The following EVC variants were observed in gnomAD, a reference collection of about 807,000 sequenced individuals.
EVC encodes the protein evC complex member EVC.
Under a neutral mutation model 118.9 loss-of-function variants are expected in EVC, and 116 were observed. That is an observed-to-expected ratio of 0.98 (90% confidence interval 0.84 to 1.14). The LOEUF is 1.14. Ranked by LOEUF, EVC falls within the 50% of genes most tolerant of loss-of-function variation. The pLI is 0.00. For synonymous variants in EVC, 619 were observed against 534.7 expected, an observed-to-expected ratio of 1.16 and a Z score of -2.18; for missense variants, 1,401 against 1,246.4, an observed-to-expected ratio of 1.12 and a Z score of -1.87.
rs1727852839 is a variant in EVC at position 5,737,315 on chromosome 4, A to T, written c.702+3880A>T. Reference sequence around the variant, plus strand: ...TGTCTCCAGAACAAACAAAAGTGCAAGGTGAAGCAGCAGCAAGTGCTGATG... The same window carrying T: ...TGTCTCCAGAACAAACAAAAGTGCATGGTGAAGCAGCAGCAAGTGCTGATG... On this transcript the variant is annotated intron_variant, in intron 5 of 20. Transcript: ENST00000264956. This position sits in a 1 kb window ranked among gnomAD's most constrained non-coding sequence, Gnocchi z 5.0. Among the ~76,000 whole-genome samples the T allele has an allele frequency of 6.6e-6, 1 of 152,250 alleles. No homozygotes were observed. The highest frequency in any genetic ancestry group is 2.4e-5 in the African/African-American group (1 of 41,462).
At chr4:5,805,015 G>A (rs1328824527) in intron 17 of EVC, among the ~76,000 whole-genome samples, 174 bp downstream of exon 17, 1 of 152,164 alleles carries the variant, frequency 6.6e-6, no homozygotes, top group Non-Finnish European at 1.5e-5. Context: ...TGCAGCACCT[G>A]GAGTGGCACC....
At chr4:5,804,689 T>G (rs377271757) in intron 16 of EVC, 41 bp from the exon 17 acceptor site, 6 of 1,591,022 alleles carry the variant, frequency 3.8e-6, no homozygotes, top group East Asian at 4.5e-5. Flanking sequence ...CAGTGGATCC[T>G]CCAAACAGAC....
chr4:5,784,597 T>C (rs963102394), intron 12 of EVC, among the ~76,000 whole-genome samples: 1 of 146,894 alleles, frequency 6.8e-6, no homozygotes, highest in Non-Finnish European at 1.5e-5. Context: ...ACTAATACAA[T>C]ACACATTGAT....
rs146551777 is a variant in EVC, at chr4:5,800,520, A to G, written c.2305-1430A>G. On this transcript the variant is annotated intron_variant, in intron 15 of 20. Coordinates refer to ENST00000264956, the MANE Select transcript of EVC (RefSeq NM_153717.3). ...GAGGAGGAGGAGAGAAGGGGTGGCC[A>G]AGGATGGAGGGCCTGGTGAAGGGAG... Among the ~76,000 whole-genome samples, 25 of 152,228 alleles carry G rather than the reference A, an allele frequency of 1.6e-4. 1 individual carries two copies. In the East Asian group the frequency reaches 4.3e-3, roughly 26 times the overall value.
chr4:5,764,755 T>G (rs1264291848), intron 11 of EVC, among the ~76,000 whole-genome samples: 1 of 147,764 alleles, frequency 6.8e-6, no homozygotes, highest in Non-Finnish European at 1.5e-5. Context: ...GATATCCCCT[T>G]TATCATTTTT....
At chr4:5,774,047 A>T (rs2152236405) in intron 11 of EVC, among the ~76,000 whole-genome samples, 1 of 151,170 alleles carries the variant, frequency 6.6e-6, no homozygotes, top group South Asian at 2.1e-4. Context: ...CCTTTCTTGA[A>T]CCCCACCATG....
At position 5,754,272 on chromosome 4, in the gene EVC, A is replaced by G. The variant is rs1730845251; in HGVS notation, c.1464+339A>G. ...AGCAATGTGTGGCCCAGAGGGGACA[A>G]GCATGTCCCGGAGAGTAAGGCAGGC... On this transcript the variant is annotated intron_variant, in intron 10 of 20. Transcript: ENST00000264956. The surrounding 1 kb of genome is among the most constrained non-coding windows in gnomAD (Gnocchi z 5.8). Among the ~76,000 whole-genome samples, 1 of 152,112 alleles carries G rather than the reference A, an allele frequency of 6.6e-6. No homozygotes were observed. Among genetic ancestry groups the G allele is most frequent in the Non-Finnish European group, 1.5e-5 (1 of 68,020 alleles).
rs1730810132 is a variant in EVC at position 5,754,053 on chromosome 4, G to A, written c.1464+120G>A. ...ATGAGGTTATCTGCCTACTTCCCATGTGTCAGCCGAGTGACCGAATCTCAG... is the reference window on the plus strand; with the variant it reads ...ATGAGGTTATCTGCCTACTTCCCATATGTCAGCCGAGTGACCGAATCTCAG... On this transcript the variant is annotated intron_variant, in intron 10 of 20. Transcript: ENST00000264956. This position sits in a 1 kb window ranked among gnomAD's most constrained non-coding sequence, Gnocchi z 5.8. 2 of 1,323,898 alleles carry A rather than the reference G, an allele frequency of 1.5e-6. No individual in the cohort carries two copies. Among genetic ancestry groups the A allele is most frequent in the Non-Finnish European group, 2.1e-6 (2 of 934,130 alleles). The allele number at this position is 1,323,898 out of a possible 1,614,324, so 82.0% of individuals were successfully genotyped here. A position where few individuals can be genotyped will look rare whatever the true frequency, so the allele number is the denominator to read the frequency against.
the EVC span, chr4:5,828,728 A>C: frequency 1.9e-6 from 3 of 1,562,324 alleles, no homozygotes; most frequent in African/African-American, 2.7e-5. Flanking sequence ...CGAGCTGTTC[A>C]TAACAGCGAT....
chr4:5,821,241 AG>A, the EVC span: 1 of 152,918 alleles, frequency 6.5e-6, no homozygotes, highest in Non-Finnish European at 1.5e-5. The surrounding 1 kb of genome is among the most constrained non-coding windows in gnomAD (Gnocchi z 4.4). Flanking sequence ...TGTGGACCAG[AG>A]GTGGGGGCAA....
intron 2 of EVC, among the ~76,000 whole-genome samples, chr4:5,724,908 T>C (rs775206962): frequency 2.6e-5 from 4 of 152,060 alleles, no homozygotes; most frequent in Non-Finnish European, 5.9e-5. Context: ...GTGTGTGTTG[T>C]TCCCCCAACC....
the EVC span, among the ~76,000 whole-genome samples, chr4:5,827,624 A>G: frequency 1.4e-5 from 2 of 144,462 alleles, no homozygotes; most frequent in Admixed American, 6.9e-5. Flanking sequence ...ACACGCGCAC[A>G]CACACACACT....
In EVC at chr4:5,755,788, C is replaced by T. The variant is rs767557433; in HGVS notation, c.1465-476C>T. Among the ~76,000 whole-genome samples the T allele has an allele frequency of 3.9e-5, 6 of 152,306 alleles. No individual in the cohort carries two copies. Among genetic ancestry groups the T allele is most frequent in the East Asian group, 1.9e-4 (1 of 5,174 alleles). ...GGCTGGGTCTCCCCCTGCTGATGCC[C>T]GGGTTAGCCCAGTCTCCTGCTGCTC... On this transcript the variant is annotated intron_variant, in intron 10 of 20. Coordinates refer to ENST00000264956, the MANE Select transcript of EVC (RefSeq NM_153717.3). The surrounding 1 kb of genome is among the most constrained non-coding windows in gnomAD (Gnocchi z 4.1).
chr4:5,726,825 G>C (rs1057243805), intron 2 of EVC, among the ~76,000 whole-genome samples: 122 of 148,030 alleles, frequency 8.2e-4, no homozygotes, highest in African/African-American at 3.0e-3. Flanking sequence ...TGCGGTGTTT[G>C]GTTTTTTGTT....
chr4:5,820,714 G>A, the EVC span: 1 of 152,128 alleles, frequency 6.6e-6, no homozygotes, highest in Admixed American at 6.5e-5. Flanking sequence ...TCGTTATCAC[G>A]CGGGGGGACT....
intron 11 of EVC, among the ~76,000 whole-genome samples, chr4:5,782,289 G>C (rs576053263): frequency 6.6e-6 from 1 of 151,402 alleles, no homozygotes; most frequent in Non-Finnish European, 1.5e-5. Flanking sequence ...TGGCCAGGCT[G>C]GTCTCCAACT....
At position 5,798,497 on chromosome 4, in the gene EVC, G is replaced by A; in HGVS notation, c.2098-89G>A. On this transcript the variant is annotated intron_variant, in intron 14 of 20. Transcript: ENST00000264956. The surrounding 1 kb of genome is among the most constrained non-coding windows in gnomAD (Gnocchi z 4.1). ...ATCCCTTTTCCAACCCCTGGGCCCT[G>A]GATAGGACCAGCCCCACATCCCAGT... 1 of 1,376,430 alleles carries A rather than the reference G, an allele frequency of 7.3e-7. No individual in the cohort carries two copies. The highest frequency in any genetic ancestry group is 1.0e-6 in the Non-Finnish European group (1 of 990,504). The allele number at this position is 1,376,430 out of a possible 1,614,324, so 85.3% of individuals were successfully genotyped here. A position where few individuals can be genotyped will look rare whatever the true frequency, so the allele number is the denominator to read the frequency against.
intron 11 of EVC, among the ~76,000 whole-genome samples, chr4:5,775,880 G>A (rs921382980): frequency 2.6e-5 from 4 of 152,140 alleles, no homozygotes; most frequent in Non-Finnish European, 5.9e-5. Flanking sequence ...TCAATTTGAG[G>A]AGAATTAATG....
chr4:5,721,001 T>G (rs1023828944), intron 2 of EVC, among the ~76,000 whole-genome samples: 1 of 152,158 alleles, frequency 6.6e-6, no homozygotes, highest in Non-Finnish European at 1.5e-5. Context: ...CGTGTGTCTG[T>G]GTATGTCCCA....
Sources: gnomAD v4.1 joint callset for allele counts (sites outside exome capture counted in the v4.1 genomes callset) on GRCh38, gnomAD v4.1.1 for gene constraint, Gnocchi (gnomAD v3.1) non-coding constraint, MANE v1.5 for transcripts, NCBI Gene and HGNC (gene_info 2026-07-23, HGNC 2026-07-21) for gene names.